Variants in ECEL1 observed in about 807,000 individuals in gnomAD.
The protein encoded by ECEL1 is endothelin converting enzyme like 1, also known as endothelin-converting enzyme-like 1.
In ECEL1, 87 loss-of-function variants were observed where a neutral mutation model predicts 101.8. The observed-to-expected ratio is 0.85, with a 90% confidence interval of 0.72 to 1.02. ECEL1 has a LOEUF of 1.02. ECEL1 is among the 50% of genes least tolerant of loss of function. The pLI, the probability that ECEL1 is intolerant of heterozygous loss-of-function variation, is 0.00. For missense variants in ECEL1, 1,032 were observed against 1,079.2 expected, an observed-to-expected ratio of 0.96 and a Z score of 0.61; for synonymous variants, 487 against 468.7, an observed-to-expected ratio of 1.04 and a Z score of -0.50.
chr2:232,485,561 C>G (rs1006948565), intron 2 of ECEL1, among the ~76,000 whole-genome samples: 4 of 152,230 alleles, frequency 2.6e-5, no homozygotes, highest in Non-Finnish European at 4.4e-5. Context: ...GGGGCCAGCT[C>G]CAGACCTCGC....
intron 10 of ECEL1, 66 bp downstream of exon 10, chr2:232,482,785 C>G: frequency 5.0e-6 from 8 of 1,584,598 alleles, no homozygotes; most frequent in Non-Finnish European, 6.1e-6. Flanking sequence ...AGACGATTTG[C>G]CCTACCAGCT....
rs1391487130 is a variant in ECEL1 at position 232,481,632 on chromosome 2, T to G, written c.1865-2A>C. ...TCCCTGAGCGGTCATACTGGCCCCC[T>G]GTGGGCAGTGCAGCAGGCTGAGACC... On this transcript the variant is annotated splice_acceptor_variant, in intron 13 of 17. Coordinates refer to ENST00000304546, the MANE Select transcript of ECEL1 (RefSeq NM_004826.4). LOFTEE classifies it high-confidence loss of function. The G allele has an allele frequency of 1.2e-6, 2 of 1,613,506 alleles. No homozygotes were observed. The highest frequency in any genetic ancestry group is 8.5e-7 in the Non-Finnish European group (1 of 1,179,910).
Position 232,479,896 on chromosome 2 carries a change from G to T in ECEL1, c.*257C>A, listed in dbSNP as rs894009288. On this transcript the variant is annotated 3_prime_UTR_variant, in exon 18 of 18. Coordinates refer to ENST00000304546, the MANE Select transcript of ECEL1 (RefSeq NM_004826.4). ...GCGAAGGTGGGGCCCGTACAATCCA[G>T]CCTGGCAGAGGGTCTGGCCCCCTTA... The T allele has an allele frequency of 5.4e-6, 3 of 553,004 alleles. No homozygotes were observed. The highest frequency in any genetic ancestry group is 9.7e-6 in the Non-Finnish European group (3 of 307,866). 34.3% of individuals were successfully genotyped at this position (553,004 alleles called of 1,614,324 possible).
Position 232,480,811 on chromosome 2 carries a change from G to C in ECEL1, c.2058C>G (p.Ala686=), listed in dbSNP as rs761141879. 1.1e-5 allele frequency: 18 copies of C among 1,612,518 alleles called. No individual in the cohort carries two copies. Among genetic ancestry groups the C allele is most frequent in the Non-Finnish European group, 1.5e-5 (18 of 1,179,376 alleles). ...CGTGCTCCCGCACCCACTTCTGATAGGCCTGGGGACACAGAGAGCATGGAC... is the reference window on the plus strand; with the variant it reads ...CGTGCTCCCGCACCCACTTCTGATACGCCTGGGGACACAGAGAGCATGGAC... ...DMGGLKLAYH[A]YQKWVREHGP... The change falls in exon 16 of 18, where the codon GCC becomes GCG. Residue 686 remains alanine (A), a splice_region_variant and synonymous_variant. Coordinates refer to ENST00000304546, the MANE Select transcript of ECEL1 (RefSeq NM_004826.4).
At chr2:232,482,365 T>A (rs1351775625) in intron 12 of ECEL1, 53 bp downstream of exon 12, 19 of 1,610,470 alleles carry the variant, frequency 1.2e-5, no homozygotes, top group African/African-American at 2.7e-5. Context: ...GTAGACAAGG[T>A]CTGCAATGCC....
chr2:232,480,067 C>G lies in ECEL1; in HGVS notation c.*86G>C. On this transcript the variant is annotated 3_prime_UTR_variant, in exon 18 of 18. Coordinates refer to ENST00000304546, the MANE Select transcript of ECEL1 (RefSeq NM_004826.4). Reference sequence around the variant, plus strand: ...AAGGCAGGTGGTGCCCAGAGCGGGGCTGGCACCGGGTGCATGCCTGCCCCG... The same window carrying G: ...AAGGCAGGTGGTGCCCAGAGCGGGGGTGGCACCGGGTGCATGCCTGCCCCG... The G allele has an allele frequency of 7.4e-7, 1 of 1,347,668 alleles. No homozygotes were observed. The allele number at this position is 1,347,668 out of a possible 1,614,324, so 83.5% of individuals were successfully genotyped here.
Position 232,486,669 on chromosome 2 carries a change from G to A in ECEL1, c.-16C>T. On this transcript the variant is annotated 5_prime_UTR_variant, in exon 2 of 18. Coordinates refer to ENST00000304546, the MANE Select transcript of ECEL1 (RefSeq NM_004826.4). ...GGGGCTCCATGGCGCCGAGGCCGCC[G>A]CGGTGCAGACCTGGGCCACCTGGGC... 6.6e-7 allele frequency: 1 copy of A among 1,514,310 alleles called. No homozygotes were observed. Among genetic ancestry groups the A allele is most frequent in the South Asian group, 1.2e-5 (1 of 81,140 alleles). The allele number at this position is 1,514,310 out of a possible 1,614,324, so 93.8% of individuals were successfully genotyped here.
rs771843692 is a variant in ECEL1, at chr2:232,482,581, AT to A, written c.1712del (p.Asn571MetfsTer44). 6.2e-7 allele frequency: 1 copy of A among 1,613,406 alleles called. No individual in the cohort carries two copies. On this transcript the variant is annotated frameshift_variant, in exon 11 of 18. Coordinates refer to ENST00000304546, the MANE Select transcript of ECEL1 (RefSeq NM_004826.4). LOFTEE classifies it high-confidence loss of function. ...STWLLPPQAL[N>X]AYYLPNKNQM... ...GGTTCTTGTTGGGTAGATAGTAGGC[AT>A]TGAGCGCCTGTGGGGGGAGCAGCCA...
At position 232,485,241 on chromosome 2, in the gene ECEL1, T is replaced by C. The variant is rs753808989; in HGVS notation, c.813A>G (p.Pro271=). ...IRIDQDGLTL[P]ERTLYLAQDE... The stretch of plus-strand genomic sequence containing the variant: ...CCTGAGCGAGGTACAGGGTCCTCTC[T>C]GGCAGGGTGAGCCCATCCTGGTCAA... The change falls in exon 3 of 18, where the codon CCA becomes CCG. Residue 271 remains proline (P), a synonymous_variant. Coordinates refer to ENST00000304546, the MANE Select transcript of ECEL1 (RefSeq NM_004826.4). 25 of 1,613,464 alleles carry C rather than the reference T, an allele frequency of 1.5e-5. No individual in the cohort carries two copies. The highest frequency in any genetic ancestry group is 8.5e-7 in the Non-Finnish European group (1 of 1,179,984).
chr2:232,483,993 C>T lies in ECEL1; in HGVS notation c.1407+8G>A. Reference sequence around the variant, plus strand: ...ACCATCCTCCTCTCTCAAACAAGGGCAACCCACCTTGGCTTTGCTGGCAGC... The same window carrying T: ...ACCATCCTCCTCTCTCAAACAAGGGTAACCCACCTTGGCTTTGCTGGCAGC... On this transcript the variant is annotated splice_region_variant and intron_variant, in intron 7 of 17. Coordinates refer to ENST00000304546, the MANE Select transcript of ECEL1 (RefSeq NM_004826.4). 1 of 1,595,178 alleles carries T rather than the reference C, an allele frequency of 6.3e-7. No homozygotes were observed. The highest frequency in any genetic ancestry group is 8.6e-7 in the Non-Finnish European group (1 of 1,167,166).
chr2:232,484,919 C>A, intron 4 of ECEL1, 26 bp from the exon 5 acceptor site: 2 of 1,613,094 alleles, frequency 1.2e-6, no homozygotes, highest in South Asian at 2.2e-5. Context: ...ACAGCTGACC[C>A]AGCCCTGCTC....
rs759463537 is a variant in ECEL1, at chr2:232,483,500, C to T, written c.1422G>A (p.Val474=). ...GGCCCAGGATGTACTTGATGTCTTC[C>T]ACTAGCTGCTGCACCTGCAGGGTCA... The part of the protein sequence containing the change: ...AASKAKVQQL[V]EDIKYILGQR... The change falls in exon 8 of 18, where the codon GTG becomes GTA. Residue 474 remains valine, a synonymous_variant. Transcript: ENST00000304546. 2.6e-5 allele frequency: 42 copies of T among 1,610,004 alleles called. No homozygotes were observed. Among genetic ancestry groups the T allele is most frequent in the Non-Finnish European group, 3.5e-5 (41 of 1,178,968 alleles).
chr2:232,480,254 T>G lies in ECEL1; in HGVS notation c.2229-2A>C, dbSNP rs1253481314. 6.2e-7 allele frequency: 1 copy of G among 1,613,506 alleles called. No homozygotes were observed. The highest frequency in any genetic ancestry group is 8.5e-7 in the Non-Finnish European group (1 of 1,179,812). ...AACTGGGACACACTGCCCAGCACCC[T>G]GGGGTGGGGAGAGACCCACACAGTG... On this transcript the variant is annotated splice_acceptor_variant, in intron 17 of 17. Coordinates refer to ENST00000304546, the MANE Select transcript of ECEL1 (RefSeq NM_004826.4). LOFTEE classifies it high-confidence loss of function.
chr2:232,479,938 C>T lies in ECEL1; in HGVS notation c.*215G>A. The stretch of plus-strand genomic sequence containing the variant: ...GCCCCCTTAGAGCAGAATCTGGGGA[C>T]CCCAGTATATTTCCCTCACAGCCCC... On this transcript the variant is annotated 3_prime_UTR_variant, in exon 18 of 18. Transcript: ENST00000304546. 1 of 594,288 alleles carries T rather than the reference C, an allele frequency of 1.7e-6. No homozygotes were observed. The highest frequency in any genetic ancestry group is 3.0e-6 in the Non-Finnish European group (1 of 333,198). The allele number at this position is 594,288 out of a possible 1,614,324, so 36.8% of individuals were successfully genotyped here. A position where few individuals can be genotyped will look rare whatever the true frequency, so the allele number is the denominator to read the frequency against.
chr2:232,480,511 A>G (rs755898059), intron 16 of ECEL1, 36 bp from the exon 17 acceptor site: 19 of 1,611,168 alleles, frequency 1.2e-5, no homozygotes, highest in Admixed American at 1.0e-4. Flanking sequence ...GAGGAGGGGG[A>G]GATGAAGCCA....
Position 232,486,534 on chromosome 2 carries a change from G to A in ECEL1, c.120C>T (p.Gly40=). Residue 40 remains glycine (G), a synonymous_variant, in exon 2 of 18, where the codon GGC becomes GGT. Transcript: ENST00000304546. The stretch of plus-strand genomic sequence containing the variant: ...GGGCCCCGGTGGCGCTGCGCGCAGC[G>A]CCCAACGGGAAGCCCGGGGGCAGGG... ...GASLPPGFPL[G]AARSATGARS... is the part of the protein sequence containing the mutation. The A allele has an allele frequency of 1.5e-6, 2 of 1,336,424 alleles. No homozygotes were observed. Among genetic ancestry groups the A allele is most frequent in the Non-Finnish European group, 9.5e-7 (1 of 1,053,266 alleles). The allele number at this position is 1,336,424 out of a possible 1,614,324, so 82.8% of individuals were successfully genotyped here. A position where few individuals can be genotyped will look rare whatever the true frequency, so the allele number is the denominator to read the frequency against.
At position 232,480,763 on chromosome 2, in the gene ECEL1, C is replaced by T. The variant is rs1290580084; in HGVS notation, c.2106G>A (p.Arg702=). The T allele has an allele frequency of 1.9e-6, 3 of 1,613,994 alleles. No homozygotes were observed. The highest frequency in any genetic ancestry group is 3.3e-5 in the Admixed American group (2 of 60,000). The stretch of plus-strand genomic sequence containing the variant: ...AGAGCTGGTCATGTGTGTACTTGAG[C>T]CGGGGAAGTGGGTGCTCTGGGCCGT... ...REHGPEHPLP[R]LKYTHDQLFF... is the part of the protein sequence containing the mutation. The change falls in exon 16 of 18, where the codon CGG becomes CGA. Residue 702 remains arginine (R), a synonymous_variant. Coordinates refer to ENST00000304546, the MANE Select transcript of ECEL1 (RefSeq NM_004826.4).
At chr2:232,480,319 G>T in intron 17 of ECEL1, 67 bp from the exon 18 acceptor site, 1 of 1,612,144 alleles carries the variant, frequency 6.2e-7, no homozygotes, top group Non-Finnish European at 8.5e-7. Context: ...AACCAGGGGT[G>T]ACTTTTATTC....
Position 232,486,241 on chromosome 2 carries a change from T to C in ECEL1, c.413A>G (p.His138Arg). ...GGTGAGCTTGTCGTCGGGGATGGCG[T>C]GGCGCCGCAGCCAACCGCCGCAGGC... ...SFACGGWLRR[H>R]AIPDDKLTYG... Residue 138 changes from histidine to arginine, a missense_variant, in exon 2 of 18, where the codon CAC becomes CGC. Coordinates refer to ENST00000304546, the MANE Select transcript of ECEL1 (RefSeq NM_004826.4). 1 of 1,601,082 alleles carries C rather than the reference T, an allele frequency of 6.2e-7. No individual in the cohort carries two copies. The highest frequency in any genetic ancestry group is 1.1e-5 in the South Asian group (1 of 90,710).
Sources: allele counts gnomAD v4.1 joint callset (sites outside exome capture counted in the v4.1 genomes callset), GRCh38; gene constraint gnomAD v4.1.1; transcripts MANE v1.5; gene names NCBI Gene and HGNC (gene_info 2026-07-23, HGNC 2026-07-21).